The following ZNF43 variants were observed in gnomAD, a reference collection of about 807,000 sequenced individuals.
ZNF43 encodes the protein zinc finger protein 43, also known as zinc finger protein 39-like 1 (KOX 27).
Under a neutral mutation model 68.4 loss-of-function variants are expected in ZNF43, and 44 were observed. The ratio of observed to expected loss-of-function variants is 0.64; its 90% confidence interval spans 0.51 to 0.83. The LOEUF is 0.83. Ranked by LOEUF, ZNF43 falls within the 40% of genes least tolerant of loss-of-function variation. The pLI is 0.00. For missense variants in ZNF43, 896 were observed against 933.2 expected (o/e 0.96, Z 0.52); for synonymous variants, 308 against 307.8 (o/e 1.00, Z -0.01).
chr19:21,848,310 A>G (rs1968105199), intron 1 of ZNF43, among the ~76,000 whole-genome samples: 1 of 151,758 alleles, frequency 6.6e-6, no homozygotes, highest in Admixed American at 6.6e-5. Context: ...CACGTGGCTA[A>G]TTTTTGTATT....
upstream of ZNF43, among the ~76,000 whole-genome samples, chr19:21,837,456 G>T (rs1967198301): frequency 2.1e-5 from 2 of 96,752 alleles, no homozygotes; most frequent in Admixed American, 1.7e-4. Context: ...ACGGAGTCTT[G>T]CTCTGTCGAC....
chr19:21,836,248 C>G, upstream of ZNF43: 1 of 1,389,804 alleles, frequency 7.2e-7, no homozygotes, highest in Non-Finnish European at 9.4e-7. Context: ...TGGACGGTTT[C>G]CAGCCCAGCG....
At chr19:21,834,343 A>G (rs2038580168) in intron 1 of ZNF43, among the ~76,000 whole-genome samples, 1 of 150,572 alleles carries the variant, frequency 6.6e-6, no homozygotes, top group South Asian at 2.1e-4. Flanking sequence ...CTCAAAAAAA[A>G]AAAAAAAAAA....
chr19:21,839,642 T>C (rs185615205), upstream of ZNF43: 99 of 152,282 alleles, frequency 6.5e-4, no homozygotes, highest in African/African-American at 2.3e-3. Context: ...AGCATGGCCA[T>C]AGCAGGAAAG....
chr19:21,818,533 G>A (rs557798835), intron 2 of ZNF43, among the ~76,000 whole-genome samples: 1 of 152,124 alleles, frequency 6.6e-6, no homozygotes, highest in African/African-American at 2.4e-5. Context: ...CCATTCTCCT[G>A]CCTCAGGCTC....
intron 1 of ZNF43, among the ~76,000 whole-genome samples, chr19:21,848,590 G>A (rs1011935627): frequency 1.3e-5 from 2 of 152,172 alleles, no homozygotes; most frequent in Non-Finnish European, 2.9e-5. Flanking sequence ...AAAAAGAGGA[G>A]AGTCATATCA....
intron 1 of ZNF43, among the ~76,000 whole-genome samples, chr19:21,820,264 T>C (rs1261064868): frequency 2.0e-5 from 3 of 147,160 alleles, no homozygotes; most frequent in Non-Finnish European, 4.5e-5. Context: ...TTTATATATA[T>C]ACACACACAT....
intron 1 of ZNF43, among the ~76,000 whole-genome samples, chr19:21,843,516 G>A (rs149731914): frequency 7.2e-5 from 11 of 152,268 alleles, no homozygotes; most frequent in African/African-American, 2.4e-4. Flanking sequence ...TTGGCCAGGC[G>A]TGGTGCCTCA....
chr19:21,809,720 T>C lies in ZNF43; in HGVS notation c.317A>G (p.Asn106Ser), dbSNP rs771668554. ...FQKATLRRYK[N>S]CEHKNVHLKK... ...TAAATGTACATTTTTATGTTCACAG[T>C]TTTTATATCTTCTCAGTGTCGCTTT... The change falls in exon 4 of 4, where the codon AAC becomes AGC. Residue 106 changes from asparagine (N) to serine (S), a missense_variant. Asn to Ser is a conservative substitution (Grantham distance 46). Transcript: ENST00000354959. 2.5e-5 allele frequency: 40 copies of C among 1,612,190 alleles called. No homozygotes were observed. In the South Asian group the frequency reaches 2.7e-4, roughly 11 times the overall value.
intron 1 of ZNF43, among the ~76,000 whole-genome samples, chr19:21,850,346 A>G (rs1441036460): frequency 6.6e-6 from 1 of 151,904 alleles, no homozygotes; most frequent in East Asian, 1.9e-4. Flanking sequence ...GTGGATCACG[A>G]GGTCAGGAGT....
upstream of ZNF43, chr19:21,836,201 C>T (rs2038726392): frequency 1.3e-6 from 2 of 1,506,432 alleles, no homozygotes; most frequent in Non-Finnish European, 8.9e-7. Flanking sequence ...CGCCACATCC[C>T]GGAAGCCGCC....
At chr19:21,835,404 C>A (rs2038666656) in intron 1 of ZNF43, among the ~76,000 whole-genome samples, 1 of 134,532 alleles carries the variant, frequency 7.4e-6, no homozygotes, top group Non-Finnish European at 1.5e-5. Flanking sequence ...GTGGCCCAGG[C>A]TGGAGTGCAA....
At position 21,806,174 on chromosome 19, in the gene ZNF43, T is replaced by G; in HGVS notation, c.*1433A>C. ...GTTACATTTTCATCACGCATCTTTT[T>G]TTTTTTTTTTTTTCTTTTTGAGATG... On this transcript the variant is annotated 3_prime_UTR_variant, in exon 4 of 4. Transcript: ENST00000354959. 6.6e-6 allele frequency: 1 copy of G among 150,694 alleles called. No homozygotes were observed. Among genetic ancestry groups the G allele is most frequent in the Non-Finnish European group, 1.5e-5 (1 of 67,516 alleles). 9.3% of individuals were successfully genotyped at this position (150,694 alleles called of 1,614,324 possible). A position where few individuals can be genotyped will look rare whatever the true frequency, so the allele number is the denominator to read the frequency against.
At chr19:21,836,983 A>C (rs181725300), upstream of ZNF43, among the ~76,000 whole-genome samples, 1 of 152,248 alleles carries the variant, frequency 6.6e-6, no homozygotes, top group Admixed American at 6.5e-5. Flanking sequence ...AAGCAAATTA[A>C]AAAGCATATA....
At chr19:21,816,797 C>A (rs2037550702) in intron 3 of ZNF43, among the ~76,000 whole-genome samples, 4 of 152,098 alleles carry the variant, frequency 2.6e-5, no homozygotes. Context: ...ATATGCAGAC[C>A]CGACTGCAAA....
At chr19:21,820,819 C>A (rs2145231323) in intron 1 of ZNF43, among the ~76,000 whole-genome samples, 1 of 150,988 alleles carries the variant, frequency 6.6e-6, no homozygotes, top group Admixed American at 6.6e-5. Context: ...AGATGTCTCC[C>A]ATGTTCTGTA....
chr19:21,824,649 T>C (rs1371856459), intron 1 of ZNF43, among the ~76,000 whole-genome samples: 1 of 151,326 alleles, frequency 6.6e-6, no homozygotes, highest in Non-Finnish European at 1.5e-5. Context: ...TCTGCATTCT[T>C]GGGTGTTAAA....
At chr19:21,832,137 C>G (rs911014362) in intron 1 of ZNF43, among the ~76,000 whole-genome samples, 2 of 151,996 alleles carry the variant, frequency 1.3e-5, no homozygotes, top group African/African-American at 4.8e-5. Flanking sequence ...CAAACTATAC[C>G]ACAGGGCTAC....
In ZNF43 at chr19:21,836,088, C is replaced by A. The variant is rs2038716300; in HGVS notation, c.-50G>T. On this transcript the variant is annotated 5_prime_UTR_variant, in exon 1 of 4. Transcript: ENST00000354959. ...CGTCTTAGCTGTGGATCCCCCAATA[C>A]CCGCAGGTCACAGAGCCACAGAGGC... is the stretch of plus-strand genomic sequence containing the variant. 1 of 1,613,102 alleles carries A rather than the reference C, an allele frequency of 6.2e-7. No homozygotes were observed.
Sources: gnomAD v4.1 joint callset for allele counts (sites outside exome capture counted in the v4.1 genomes callset) on GRCh38, gnomAD v4.1.1 for gene constraint, MANE v1.5 for transcripts, NCBI Gene and HGNC (gene_info 2026-07-23, HGNC 2026-07-21) for gene names.